DCAKD: variants seen among roughly 807,000 people sequenced by gnomAD.
DCAKD encodes the protein dephospho-CoA kinase domain-containing protein.
A neutral mutation model predicts 18.7 loss-of-function variants in DCAKD; 15 were observed. The observed-to-expected ratio is 0.80, with a 90% CI of 0.54 to 1.24. The LOEUF (loss-of-function observed/expected upper bound fraction) is 1.24. Among genes scored for constraint, DCAKD ranks in the 50% most tolerant of loss-of-function variants. The pLI is 0.00. For synonymous variants in DCAKD, 130 were observed against 133.0 expected, an observed-to-expected ratio of 0.98 and a Z score of 0.16; for missense variants, 301 against 322.0, an observed-to-expected ratio of 0.93 and a Z score of 0.50.
rs143312640 is a variant in DCAKD, at chr17:45,044,689, CAATAAATAAATAAATA to C, written c.-115+6656_-115+6671del. 7.6e-3 allele frequency among the ~76,000 whole-genome samples: 1,117 copies of C among 147,410 alleles called. 15 individuals carry two copies. The highest frequency in any genetic ancestry group is 0.036 in the East Asian group (177 of 4,872). On this transcript the variant is annotated intron_variant, in intron 1 of 4. Coordinates refer to ENST00000651974, the MANE Select transcript of DCAKD (RefSeq NM_001288655.2). ...CCTGGGAGACAGAGAGAGACTCCAT[CAATAAATAAATAAATA>C]AATAAATAAATAAATAAATAAATAA... is the stretch of plus-strand genomic sequence containing the variant.
intron 1 of DCAKD, among the ~76,000 whole-genome samples, chr17:45,043,951 C>T (rs559712273): frequency 1.4e-4 from 22 of 152,262 alleles, no homozygotes; most frequent in East Asian, 3.9e-4. Flanking sequence ...GGTGCATGAG[C>T]GCCACCATGT....
chr17:45,044,409 CG>C (rs941551265), intron 1 of DCAKD, among the ~76,000 whole-genome samples: 2 of 152,146 alleles, frequency 1.3e-5, no homozygotes. Flanking sequence ...CTGTGGCAAG[CG>C]GATGGGTGCG....
chr17:45,031,103 C>G (rs1032043706), intron 3 of DCAKD: 47 of 985,292 alleles, frequency 4.8e-5, no homozygotes, highest in Non-Finnish European at 4.5e-5. Context: ...CCTGGCCTGG[C>G]TGGGGCAGGA....
At chr17:45,027,742 C>T (rs980446034) in intron 4 of DCAKD, among the ~76,000 whole-genome samples, 1 of 152,136 alleles carries the variant, frequency 6.6e-6, no homozygotes, top group Non-Finnish European at 1.5e-5. Flanking sequence ...AATCCCAGCA[C>T]TTTGGGAGGC....
At chr17:45,044,720 TAAATAA>T (rs2053526074) in intron 1 of DCAKD, among the ~76,000 whole-genome samples, 1 of 118,506 alleles carries the variant, frequency 8.4e-6, no homozygotes, top group Non-Finnish European at 1.9e-5. Context: ...AATAAATAAA[TAAATAA>T]ATAAATAAAT....
intron 4 of DCAKD, chr17:45,026,924 G>T: frequency 1.6e-6 from 1 of 611,642 alleles, no homozygotes; most frequent in Non-Finnish European, 2.0e-6. Flanking sequence ...CTGGATGTGG[G>T]GCAGCACCTC....
At position 45,049,859 on chromosome 17, in the gene DCAKD, G is replaced by A. The variant is rs543310334; in HGVS notation, c.-115+1502C>T. Among the ~76,000 whole-genome samples, 9 of 149,166 alleles carry A rather than the reference G, an allele frequency of 6.0e-5. No individual in the cohort carries two copies. In the South Asian group the frequency reaches 1.7e-3, roughly 28 times the overall value. On this transcript the variant is annotated intron_variant, in intron 1 of 4. Coordinates refer to ENST00000651974, the MANE Select transcript of DCAKD (RefSeq NM_001288655.2). ...CTCGACCTCCTGAGTAGCTGGGATT[G>A]CAGGCACCCGCCACCACACCCAGCT...
chr17:45,046,414 G>C (rs2053568324), intron 1 of DCAKD, among the ~76,000 whole-genome samples: 1 of 152,024 alleles, frequency 6.6e-6, no homozygotes, highest in Non-Finnish European at 1.5e-5. Flanking sequence ...TCAGGAATTT[G>C]AGACCAGCCT....
At chr17:45,036,105 G>A (rs1338195910) in intron 1 of DCAKD, among the ~76,000 whole-genome samples, 3 of 152,228 alleles carry the variant, frequency 2.0e-5, no homozygotes, top group Non-Finnish European at 4.4e-5. Context: ...ACGGCACAAA[G>A]GTTGGGGCAT....
At chr17:45,058,847 T>G (rs1314971930) in intron 1 of DCAKD, among the ~76,000 whole-genome samples, 1 of 152,098 alleles carries the variant, frequency 6.6e-6, no homozygotes, top group Non-Finnish European at 1.5e-5. Context: ...TCAGACTGAG[T>G]GGGCATCTTT....
intron 1 of DCAKD, among the ~76,000 whole-genome samples, chr17:45,035,480 TAAA>T (rs35837364): frequency 6.9e-5 from 6 of 86,962 alleles, no homozygotes; most frequent in Admixed American, 1.3e-4. Context: ...AGATTCCTTC[TAAA>T]AAAAAAAAAA....
At chr17:45,038,134 C>G (rs151111567) in intron 1 of DCAKD, among the ~76,000 whole-genome samples, 188 of 150,936 alleles carry the variant, frequency 1.2e-3, no homozygotes, top group African/African-American at 4.3e-3. Context: ...TGGCGTGCAG[C>G]GGTGCAATCT....
chr17:45,043,153 G>A (rs2053478168), intron 1 of DCAKD, among the ~76,000 whole-genome samples: 1 of 151,914 alleles, frequency 6.6e-6, no homozygotes, highest in Non-Finnish European at 1.5e-5. Context: ...CTTTCCTTGA[G>A]TATAAAATAG....
intron 1 of DCAKD, among the ~76,000 whole-genome samples, chr17:45,044,689 C>CAATCAATCAATA (rs1567845769): frequency 6.8e-6 from 1 of 147,316 alleles, no homozygotes; most frequent in African/African-American, 2.5e-5. Context: ...GAGACTCCAT[C>CAATCAATCAATA]AATAAATAAA....
chr17:45,045,160 T>C (rs2053537825), intron 1 of DCAKD, among the ~76,000 whole-genome samples: 1 of 152,104 alleles, frequency 6.6e-6, no homozygotes, highest in Non-Finnish European at 1.5e-5. Flanking sequence ...AAGGACCCAG[T>C]TTGGATTCAA....
chr17:45,049,761 C>T (rs985110003), intron 1 of DCAKD, among the ~76,000 whole-genome samples: 2 of 135,190 alleles, frequency 1.5e-5, no homozygotes, highest in Non-Finnish European at 3.1e-5. Flanking sequence ...CTCTTGTCAC[C>T]CAGGCTGGAG....
At chr17:45,052,219 A>T (rs1456158070), upstream of DCAKD, among the ~76,000 whole-genome samples, 4 of 152,036 alleles carry the variant, frequency 2.6e-5, no homozygotes, top group Non-Finnish European at 5.9e-5. Flanking sequence ...CGGGAAGGAG[A>T]GGGAGAGAGA....
chr17:45,057,880 AGG>A (rs1308769114), intron 1 of DCAKD, among the ~76,000 whole-genome samples: 5 of 144,290 alleles, frequency 3.5e-5, no homozygotes, highest in African/African-American at 1.0e-4. Flanking sequence ...GCGTGGTGGC[AGG>A]CACCTGTAAT....
At position 45,024,250 on chromosome 17, in the gene DCAKD, G is replaced by A; in HGVS notation, c.*183C>T. The A allele has an allele frequency of 1.3e-6, 1 of 753,020 alleles. No homozygotes were observed. 46.6% of individuals were successfully genotyped at this position (753,020 alleles called of 1,614,324 possible). On this transcript the variant is annotated 3_prime_UTR_variant, in exon 5 of 5. Transcript: ENST00000651974. ...TAGGATACACTCCAAAGACGGGATGGCCTGGCACAGAGGCCCAGCCCTGAT... is the reference window on the plus strand; with the variant it reads ...TAGGATACACTCCAAAGACGGGATGACCTGGCACAGAGGCCCAGCCCTGAT...
Sources: allele counts gnomAD v4.1 joint callset (sites outside exome capture counted in the v4.1 genomes callset), GRCh38; gene constraint gnomAD v4.1.1; transcripts MANE v1.5; gene names NCBI Gene and HGNC (gene_info 2026-07-23, HGNC 2026-07-21).